The following TTC6 variants were observed in gnomAD, a reference collection of about 807,000 sequenced individuals.
TTC6 encodes the protein tetratricopeptide repeat domain 6.
A neutral mutation model predicts 210.4 loss-of-function variants in TTC6; 172 were observed. The observed-to-expected ratio is 0.82, with a 90% CI of 0.72 to 0.93. The LOEUF (loss-of-function observed/expected upper bound fraction) is 0.93. Among genes scored for constraint, TTC6 ranks in the 40% least tolerant of loss-of-function variants. The pLI, the probability that TTC6 is intolerant of heterozygous loss-of-function variation, is 0.00. For synonymous variants in TTC6, 804 were observed against 819.6 expected, an observed-to-expected ratio of 0.98 and a Z score of 0.32; for missense variants, 2,414 against 2,318.1, an observed-to-expected ratio of 1.04 and a Z score of -0.85.
At chr14:37,662,319 A>G (rs769493641) in intron 1 of TTC6, among the ~76,000 whole-genome samples, 6 of 152,130 alleles carry the variant, frequency 3.9e-5, no homozygotes, top group South Asian at 4.1e-4. Flanking sequence ...ATTTTGAGAT[A>G]TGTTCCTTCA....
intron 15 of TTC6, among the ~76,000 whole-genome samples, chr14:37,789,454 C>T (rs889092990): frequency 2.0e-5 from 3 of 151,558 alleles, no homozygotes; most frequent in African/African-American, 4.8e-5. Flanking sequence ...AACAGTCATG[C>T]GCCACATAAT....
intron 1 of TTC6, among the ~76,000 whole-genome samples, chr14:37,643,977 C>T (rs1044959280): frequency 2.6e-5 from 4 of 152,152 alleles, no homozygotes; most frequent in African/African-American, 9.7e-5. Context: ...TTATGCATGA[C>T]TGTTCTGTTG....
intron 29 of TTC6, among the ~76,000 whole-genome samples, chr14:37,838,126 T>C (rs2096202138): frequency 6.6e-6 from 1 of 152,170 alleles, no homozygotes; most frequent in East Asian, 1.9e-4. Context: ...AGTGACTCTC[T>C]CTTTAAGGTA....
intron 13 of TTC6, 147 bp from the exon 16 acceptor site, chr14:37,752,952 A>G: frequency 2.0e-6 from 1 of 489,230 alleles, no homozygotes; most frequent in Non-Finnish European, 3.3e-6. Context: ...AATATTCTTT[A>G]GCTACAACTC....
chr14:37,818,449 G>C (rs1354784373), intron 26 of TTC6, among the ~76,000 whole-genome samples: 1 of 151,984 alleles, frequency 6.6e-6, no homozygotes, highest in Non-Finnish European at 1.5e-5. Flanking sequence ...TTAAATAATA[G>C]TTTATAGCTT....
At chr14:37,789,881 A>G (rs2096075623) in intron 15 of TTC6, among the ~76,000 whole-genome samples, 2 of 152,102 alleles carry the variant, frequency 1.3e-5, no homozygotes, top group South Asian at 4.2e-4. Flanking sequence ...TAGACTGCAA[A>G]CATTATGCAT....
Position 37,777,350 on chromosome 14 carries a change from C to A in TTC6, c.3267-10118C>A, listed in dbSNP as rs1031123978. On this transcript the variant is annotated intron_variant, in intron 14 of 30. Transcript: ENST00000553443. Reference sequence around the variant, plus strand: ...GACTGAGTTATTTCAGGGAACTGGTCTTTGAACTCTAGATTTTTTTACTCA... The same window carrying A: ...GACTGAGTTATTTCAGGGAACTGGTATTTGAACTCTAGATTTTTTTACTCA... Among the ~76,000 whole-genome samples the A allele has an allele frequency of 3.3e-5, 3 of 90,240 alleles. No individual in the cohort carries two copies. In the East Asian group the frequency reaches 8.8e-4, roughly 26 times the overall value. The allele number at this position is 90,240 out of a possible 152,430, so 59.2% of individuals were successfully genotyped here.
intron 29 of TTC6, among the ~76,000 whole-genome samples, chr14:37,828,407 A>C (rs1439064913): frequency 4.6e-5 from 7 of 152,098 alleles, no homozygotes; most frequent in Non-Finnish European, 1.5e-5. Flanking sequence ...AGTTATTAAA[A>C]GTATGCCTTT....
chr14:37,682,869 A>G (rs1309173952), exon 3 of TTC6: 1 of 1,535,738 alleles, frequency 6.5e-7, no homozygotes, highest in Admixed American at 2.0e-5. Flanking sequence ...ACCTCAGGAA[A>G]TTTCGCAAGT....
At chr14:37,664,208 G>A (rs2095743325) in intron 1 of TTC6, among the ~76,000 whole-genome samples, 1 of 148,312 alleles carries the variant, frequency 6.7e-6, no homozygotes, top group Non-Finnish European at 1.5e-5. Context: ...AATCCTAAGT[G>A]AAAAGAATAA....
At chr14:37,825,134 T>G (rs370241636) in intron 27 of TTC6, among the ~76,000 whole-genome samples, 1 of 152,106 alleles carries the variant, frequency 6.6e-6, no homozygotes, top group African/African-American at 2.4e-5. Context: ...AACAAATACT[T>G]ACAGATTCCC....
chr14:37,765,878 C>G (rs1017750768), intron 14 of TTC6, among the ~76,000 whole-genome samples: 4 of 152,020 alleles, frequency 2.6e-5, no homozygotes, highest in African/African-American at 9.7e-5. Context: ...CTTCTGATCT[C>G]TGTGATTTCT....
rs549626035 is a variant in TTC6 at position 37,741,355 on chromosome 14, C to T, written c.2363+2200C>T. 9.0e-5 allele frequency among the ~76,000 whole-genome samples: 12 copies of T among 133,882 alleles called. No individual in the cohort carries two copies. In the South Asian group the frequency reaches 2.6e-3, roughly 29 times the overall value. The allele number at this position is 133,882 out of a possible 152,430, so 87.8% of individuals were successfully genotyped here. A position where few individuals can be genotyped will look rare whatever the true frequency, so the allele number is the denominator to read the frequency against. On this transcript the variant is annotated intron_variant, in intron 10 of 30. Coordinates refer to ENST00000553443, the Ensembl canonical transcript of TTC6. Reference sequence around the variant, plus strand: ...TGCCCAGGCTGGAGTGCAGTAGCACCTCGGCTCACTGCAACCTCTGCCTCC... The same window carrying T: ...TGCCCAGGCTGGAGTGCAGTAGCACTTCGGCTCACTGCAACCTCTGCCTCC...
At chr14:37,632,879 T>TC (rs1371717616) in intron 1 of TTC6, among the ~76,000 whole-genome samples, 1 of 152,188 alleles carries the variant, frequency 6.6e-6, no homozygotes, top group African/African-American at 2.4e-5. Context: ...TCTGCCCAGT[T>TC]CGAACTTCCA....
At chr14:37,599,303 T>A (rs920011260) in intron 1 of TTC6, among the ~76,000 whole-genome samples, 4 of 152,186 alleles carry the variant, frequency 2.6e-5, no homozygotes, top group Non-Finnish European at 4.4e-5. Context: ...CTTTAAGGGA[T>A]TAATTCACAA....
rs149066238 is a variant in TTC6 at position 37,794,646 on chromosome 14, T to A, written c.3709-624T>A. 3.3e-4 allele frequency among the ~76,000 whole-genome samples: 50 copies of A among 152,330 alleles called. No homozygotes were observed. The East Asian group carries it at 9.1e-3, about 28-fold the overall frequency. On this transcript the variant is annotated intron_variant, in intron 17 of 30. Transcript: ENST00000553443. ...TGTTATATTCATTCATTCATTTACTTAATTTTTGTGCAGGCCTGTTTTTCC... is the reference window on the plus strand; with the variant it reads ...TGTTATATTCATTCATTCATTTACTAAATTTTTGTGCAGGCCTGTTTTTCC...
chr14:37,818,358 A>T (rs2096147242), intron 26 of TTC6, among the ~76,000 whole-genome samples: 1 of 152,160 alleles, frequency 6.6e-6, no homozygotes, highest in African/African-American at 2.4e-5. Context: ...TACATCATAA[A>T]ATTAACTTTT....
In TTC6 at chr14:37,751,816, A is replaced by G. The variant is rs552387220; in HGVS notation, c.3129+591A>G. Among the ~76,000 whole-genome samples the G allele has an allele frequency of 7.3e-5, 10 of 137,660 alleles. No individual in the cohort carries two copies. The South Asian group carries it at 2.1e-3, about 29-fold the overall frequency. The allele number at this position is 137,660 out of a possible 152,430, so 90.3% of individuals were successfully genotyped here. A position where few individuals can be genotyped will look rare whatever the true frequency, so the allele number is the denominator to read the frequency against. On this transcript the variant is annotated intron_variant, in intron 13 of 30. Transcript: ENST00000553443. ...TTTAGGAGATACCAGAGAATTGAGGAAATGAACTTTTTTTTTTTTTTTTTT... is the reference window on the plus strand; with the variant it reads ...TTTAGGAGATACCAGAGAATTGAGGGAATGAACTTTTTTTTTTTTTTTTTT...
At chr14:37,761,984 C>A (rs1474865360) in intron 14 of TTC6, among the ~76,000 whole-genome samples, 1 of 152,144 alleles carries the variant, frequency 6.6e-6, no homozygotes, top group Non-Finnish European at 1.5e-5. Context: ...CCCCATTTTT[C>A]ATAACACCCA....
Sources: gnomAD v4.1 joint callset for allele counts (sites outside exome capture counted in the v4.1 genomes callset) on GRCh38, gnomAD v4.1.1 for gene constraint, MANE v1.5 for transcripts, NCBI Gene and HGNC (gene_info 2026-07-23, HGNC 2026-07-21) for gene names.